Variants in GSG1L2 observed in about 807,000 individuals in gnomAD.
GSG1L2 encodes germ cell-specific gene 1-like protein 2.
In GSG1L2, 15 loss-of-function variants were observed where a neutral mutation model predicts 9.0. The ratio of observed to expected loss-of-function variants is 1.67; its 90% CI spans 1.12 to 2.57. The LOEUF is 2.57. GSG1L2 is among the 30% of genes most tolerant of loss of function. The pLI is 0.00. For missense variants in GSG1L2, 286 were observed against 150.3 expected (o/e 1.90, Z -4.72); for synonymous variants, 127 against 57.9 (o/e 2.19, Z -5.41).
At chr17:9,812,788 CT>C (rs990704710) in intron 1 of GSG1L2, among the ~76,000 whole-genome samples, 6 of 152,080 alleles carry the variant, frequency 3.9e-5, no homozygotes, top group African/African-American at 1.4e-4. Flanking sequence ...ACCTGGCTAA[CT>C]TTTTTATTTT....
At chr17:9,805,275 C>T (rs1201656431) in intron 4 of GSG1L2, among the ~76,000 whole-genome samples, 2 of 150,852 alleles carry the variant, frequency 1.3e-5, no homozygotes, top group East Asian at 1.9e-4. Flanking sequence ...CCCTCCCCCA[C>T]CCCAAGCACA....
At chr17:9,802,731 G>GT in intron 4 of GSG1L2, 87 bp from the exon 5 acceptor site, 1 of 649,724 alleles carries the variant, frequency 1.5e-6, no homozygotes, top group South Asian at 1.7e-5. Context: ...TCAATCTGGA[G>GT]AAAACAACAG....
intron 4 of GSG1L2, 72 bp from the exon 5 acceptor site, chr17:9,802,716 G>C: frequency 1.5e-6 from 1 of 665,568 alleles, no homozygotes. Flanking sequence ...TCTCCAGACT[G>C]GGGGTCAATC....
chr17:9,821,738 C>T (rs1461164299), intron 1 of GSG1L2, 24 bp downstream of exon 1: 6 of 699,804 alleles, frequency 8.6e-6, no homozygotes, highest in South Asian at 7.4e-5. Flanking sequence ...CCTGTCTTCC[C>T]CAGAATCTAC....
rs2066499774 is a variant in GSG1L2 at position 9,802,315 on chromosome 17, G to C, written c.*71C>G. 3 of 593,386 alleles carry C rather than the reference G, an allele frequency of 5.1e-6. No homozygotes were observed. The highest frequency in any genetic ancestry group is 9.1e-6 in the Non-Finnish European group (3 of 331,208). The allele number at this position is 593,386 out of a possible 1,614,324, so 36.8% of individuals were successfully genotyped here. Reference sequence around the variant, plus strand: ...CAATCTCCTGAAGTCCAACCCAGAGGCAGGGTGTACATTGTGAGTGTCAGT... The same window carrying C: ...CAATCTCCTGAAGTCCAACCCAGAGCCAGGGTGTACATTGTGAGTGTCAGT... On this transcript the variant is annotated 3_prime_UTR_variant, in exon 5 of 5. Coordinates refer to ENST00000399363, the MANE Select transcript of GSG1L2 (RefSeq NM_001310219.2).
At chr17:9,808,101 A>G (rs1419506119) in intron 3 of GSG1L2, among the ~76,000 whole-genome samples, 2 of 152,184 alleles carry the variant, frequency 1.3e-5, no homozygotes, top group African/African-American at 4.8e-5. Context: ...CTTAGGAAAG[A>G]TGCATTACAC....
rs549723640 is a variant in GSG1L2, at chr17:9,814,170, G to A, written c.311-3552C>T. Among the ~76,000 whole-genome samples, 108 of 152,282 alleles carry A rather than the reference G, an allele frequency of 7.1e-4. 1 individual carries two copies. The South Asian group carries it at 0.02, about 29-fold the overall frequency. On this transcript the variant is annotated intron_variant, in intron 1 of 4. Transcript: ENST00000399363. ...AGGCTGATCTCAAACTCCTGACCTCGTGATCCGTCCGCCTCGGCCTCCCGA... is the reference window on the plus strand; with the variant it reads ...AGGCTGATCTCAAACTCCTGACCTCATGATCCGTCCGCCTCGGCCTCCCGA...
chr17:9,803,541 G>A (rs1405300831), intron 4 of GSG1L2, among the ~76,000 whole-genome samples: 2 of 152,220 alleles, frequency 1.3e-5, no homozygotes, highest in African/African-American at 4.8e-5. Context: ...ACCAAAGGGT[G>A]TTCAAATGTT....
chr17:9,806,928 C>T (rs755850045), intron 4 of GSG1L2, among the ~76,000 whole-genome samples: 2 of 152,124 alleles, frequency 1.3e-5, no homozygotes, highest in South Asian at 2.1e-4. Flanking sequence ...GAGCCCTGAA[C>T]GTGTTATGTG....
At position 9,802,411 on chromosome 17, in the gene GSG1L2, G is replaced by A. The variant is rs1306138827; in HGVS notation, c.857C>T (p.Ala286Val). The A allele has an allele frequency of 3.0e-6, 2 of 677,696 alleles. No homozygotes were observed. Among genetic ancestry groups the A allele is most frequent in the African/African-American group, 3.5e-5 (2 of 56,572 alleles). 42.0% of individuals were successfully genotyped at this position (677,696 alleles called of 1,614,324 possible). A position where few individuals can be genotyped will look rare whatever the true frequency, so the allele number is the denominator to read the frequency against. The change falls in exon 5 of 5, where the codon GCC becomes GTC. Residue 286 changes from alanine (A) to valine (V), a missense_variant. Ala to Val is a moderately conservative substitution (Grantham distance 64). Transcript: ENST00000399363. ...CTAGCATATGGACACCTTGCCTGGG[G>A]CGCCTGGTGGGAGGTGTCCAGAAAC... ...RNVSGHLPPG[A>V]PGKVSIC
chr17:9,818,671 G>C (rs1019553454), intron 1 of GSG1L2, among the ~76,000 whole-genome samples: 1 of 151,838 alleles, frequency 6.6e-6, no homozygotes, highest in Non-Finnish European at 1.5e-5. Flanking sequence ...ACCAGATCCC[G>C]TGAGAAATCA....
At chr17:9,816,701 A>G (rs1222705958) in intron 1 of GSG1L2, among the ~76,000 whole-genome samples, 2 of 115,684 alleles carry the variant, frequency 1.7e-5, no homozygotes, top group Non-Finnish European at 3.5e-5. Context: ...GTATGTGTGC[A>G]TGCGTGTCTG....
At chr17:9,807,622 G>A in intron 3 of GSG1L2, 21 bp from the exon 4 acceptor site, 1 of 703,286 alleles carries the variant, frequency 1.4e-6, no homozygotes, top group Non-Finnish European at 2.6e-6. Context: ...AAAGCTCTGT[G>A]AGTCACAGCT....
At position 9,807,601 on chromosome 17, in the gene GSG1L2, C is replaced by T; in HGVS notation, c.512G>A (p.Gly171Glu). 2.8e-6 allele frequency: 2 copies of T among 703,304 alleles called. No homozygotes were observed. The highest frequency in any genetic ancestry group is 2.6e-6 in the Non-Finnish European group (1 of 385,036). The allele number at this position is 703,304 out of a possible 1,614,324, so 43.6% of individuals were successfully genotyped here. The change falls in exon 4 of 5, where the codon GGG (glycine) becomes GAG (glutamate). Residue 171 changes from glycine to glutamate, a missense_variant and splice_region_variant. Coordinates refer to ENST00000399363, the MANE Select transcript of GSG1L2 (RefSeq NM_001310219.2). ...CATGTGGGCCACCATGCCTAGAAGC[C>T]CTGCGCAAGGAAAGCTCTGTGAGTC... is the stretch of plus-strand genomic sequence containing the variant. ...ALVAIFMVLAGLLGMVAHMMY... is the reference protein window; with the variant it reads ...ALVAIFMVLAELLGMVAHMMY...
rs565302523 is a variant in GSG1L2 at position 9,816,406 on chromosome 17, G to A, written c.310+5356C>T. 9.9e-3 allele frequency among the ~76,000 whole-genome samples: 1,470 copies of A among 149,236 alleles called. 22 individuals carry two copies. Among genetic ancestry groups the A allele is most frequent in the African/African-American group, 0.034 (1,378 of 40,528 alleles). On this transcript the variant is annotated intron_variant, in intron 1 of 4. Transcript: ENST00000399363. ...CGTGTGTGTCTGTGTCTGTGTGTGT[G>A]TGTGTGTGTCTGTGTGTGTGCGTGT...
chr17:9,814,368 C>G (rs1353984069), intron 1 of GSG1L2, among the ~76,000 whole-genome samples: 7 of 152,204 alleles, frequency 4.6e-5, no homozygotes, highest in Admixed American at 4.6e-4. Flanking sequence ...ACCTAAGACT[C>G]AGAGGCCTTT....
intron 1 of GSG1L2, among the ~76,000 whole-genome samples, chr17:9,816,277 T>G (rs1307870136): frequency 2.0e-5 from 3 of 152,260 alleles, no homozygotes; most frequent in African/African-American, 7.2e-5. Context: ...ACACTAACTC[T>G]CTTTATATTC....
intron 4 of GSG1L2, chr17:9,804,233 T>TATA (rs2066508818): frequency 6.6e-6 from 1 of 152,286 alleles, no homozygotes; most frequent in African/African-American, 2.4e-5. Flanking sequence ...GGATGCCTGT[T>TATA]ATATCAGCAC....
Position 9,808,951 on chromosome 17 carries a change from G to A in GSG1L2, c.390C>T (p.Val130=), listed in dbSNP as rs2066527174. 2 of 702,900 alleles carry A rather than the reference G, an allele frequency of 2.8e-6. No individual in the cohort carries two copies. The highest frequency in any genetic ancestry group is 1.5e-5 in the South Asian group (1 of 67,602). The allele number at this position is 702,900 out of a possible 1,614,324, so 43.5% of individuals were successfully genotyped here. ...GVLWLSIGGE[V]LDIVLILTSA... ...TTGTCAGTATCAGAACGATATCCAG[G>A]ACCTCGCCCCCGATGGACAGCCACA... Residue 130 remains valine (V), a synonymous_variant, in exon 3 of 5, where the codon GTC becomes GTT. Transcript: ENST00000399363.
Sources: allele counts gnomAD v4.1 joint callset (sites outside exome capture counted in the v4.1 genomes callset), GRCh38; gene constraint gnomAD v4.1.1; transcripts MANE v1.5; gene names NCBI Gene and HGNC (gene_info 2026-07-23, HGNC 2026-07-21).